HMGXB4: variants seen among roughly 807,000 people sequenced by gnomAD.
The protein encoded by HMGXB4 is HMG domain-containing protein 4.
In HMGXB4, 27 loss-of-function variants were observed where a neutral mutation model predicts 63.9. The observed-to-expected ratio is 0.42, with a 90% confidence interval of 0.31 to 0.58. The LOEUF is 0.58. HMGXB4 is among the 20% of genes least tolerant of loss of function. The pLI is 0.13. For synonymous variants in HMGXB4, 264 were observed against 265.3 expected (o/e 0.99, Z 0.05); for missense variants, 624 against 700.7 (o/e 0.89, Z 1.24).
At chr22:35,247,154 T>C in the HMGXB4 span, among the ~76,000 whole-genome samples, 37 of 152,330 alleles carry the variant, frequency 2.4e-4, no homozygotes, top group South Asian at 7.7e-3. Flanking sequence ...CACTGGATAT[T>C]TGTATTCCTA....
chr22:35,243,425 C>T, the HMGXB4 span, among the ~76,000 whole-genome samples: 1 of 152,176 alleles, frequency 6.6e-6, no homozygotes, highest in African/African-American at 2.4e-5. Context: ...CACAGACACA[C>T]CCAGAAATAA....
intron 5 of HMGXB4, among the ~76,000 whole-genome samples, chr22:35,277,411 C>G (rs1378549975): frequency 6.6e-6 from 1 of 152,182 alleles, no homozygotes; most frequent in Non-Finnish European, 1.5e-5. Context: ...GGCAATGGCA[C>G]CATCTTAGCT....
the HMGXB4 span, among the ~76,000 whole-genome samples, chr22:35,243,563 G>T: frequency 6.6e-6 from 1 of 151,428 alleles, no homozygotes; most frequent in African/African-American, 2.4e-5. Context: ...TTGAGACAGG[G>T]TCTCACTCTG....
the HMGXB4 span, among the ~76,000 whole-genome samples, chr22:35,248,401 CTTTT>C: frequency 2.9e-5 from 3 of 102,964 alleles, no homozygotes; most frequent in African/African-American, 7.3e-5. Flanking sequence ...GAGGTCGGGA[CTTTT>C]TTTTTTTTTT....
At chr22:35,254,050 C>T (rs1055576711), upstream of HMGXB4, among the ~76,000 whole-genome samples, 6 of 152,110 alleles carry the variant, frequency 3.9e-5, no homozygotes, top group Admixed American at 1.3e-4. Context: ...AAGACAAAGA[C>T]GCTGCTCAAA....
Position 35,265,082 on chromosome 22 carries a change from C to G in HMGXB4, c.694C>G (p.Gln232Glu), listed in dbSNP as rs370541896. ...CTCAAAGAAATCAGCTCGGGATGAG[C>G]AGGGTGCTTTACTCCTAGGACATGA... ...KSSKKSARDE[Q>E]GALLLGHELQ... Residue 232 changes from glutamine to glutamate, a missense_variant, in exon 5 of 11, where the codon CAG becomes GAG. By Grantham distance (29) the Gln-to-Glu change is conservative. Transcript: ENST00000216106. 32 of 1,614,156 alleles carry G rather than the reference C, an allele frequency of 2.0e-5. No homozygotes were observed. In the African/African-American group the frequency reaches 3.5e-4, roughly 17 times the overall value.
chr22:35,287,157 C>T (rs1569005694), intron 7 of HMGXB4, 190 bp from the exon 8 acceptor site: 3 of 555,676 alleles, frequency 5.4e-6, no homozygotes, highest in Non-Finnish European at 6.6e-6. Context: ...TAGTCCTTTA[C>T]TAAGATATTA....
At chr22:35,289,093 T>C (rs1390062209) in intron 9 of HMGXB4, among the ~76,000 whole-genome samples, 7 of 150,722 alleles carry the variant, frequency 4.6e-5, no homozygotes, top group African/African-American at 9.8e-5. Context: ...TGAGTCAAGA[T>C]TGCGCTACTG....
At chr22:35,293,147 C>A in intron 10 of HMGXB4, 33 bp downstream of exon 10, 1 of 1,613,658 alleles carries the variant, frequency 6.2e-7, no homozygotes, top group Non-Finnish European at 8.5e-7. Flanking sequence ...GAGTCAGATC[C>A]ATTGGGCGTC....
chr22:35,258,955 C>T (rs1332773595), intron 1 of HMGXB4, among the ~76,000 whole-genome samples: 1 of 152,134 alleles, frequency 6.6e-6, no homozygotes, highest in African/African-American at 2.4e-5. Context: ...TTGTTGATTG[C>T]AGGAGCTCAA....
rs548672883 is a variant in HMGXB4, at chr22:35,295,599, T to C, written c.*1948T>C. On this transcript the variant is annotated 3_prime_UTR_variant, in exon 11 of 11. Transcript: ENST00000216106. Reference sequence around the variant, plus strand: ...CTATTGTATTTGTATTTAAAATTTGTACACATTTGTATAATAATCTGTACC... The same window carrying C: ...CTATTGTATTTGTATTTAAAATTTGCACACATTTGTATAATAATCTGTACC... 6.5e-6 allele frequency: 1 copy of C among 152,794 alleles called. No individual in the cohort carries two copies. The highest frequency in any genetic ancestry group is 2.1e-4 in the South Asian group (1 of 4,834). 9.5% of individuals were successfully genotyped at this position (152,794 alleles called of 1,614,324 possible). A position where few individuals can be genotyped will look rare whatever the true frequency, so the allele number is the denominator to read the frequency against.
upstream of HMGXB4, among the ~76,000 whole-genome samples, chr22:35,256,653 C>T (rs113206841): frequency 1.3e-5 from 2 of 152,262 alleles, no homozygotes; most frequent in African/African-American, 4.8e-5. Flanking sequence ...GCACGCGCCA[C>T]CACGCCTGGC....
At position 35,279,699 on chromosome 22, in the gene HMGXB4, T is replaced by TTTTTTG. The variant is rs144948164; in HGVS notation, c.1216-4263_1216-4262insTTTTTG. 1.4e-4 allele frequency among the ~76,000 whole-genome samples: 15 copies of TTTTTTG among 108,244 alleles called. 3 individuals are homozygous for TTTTTTG. The highest frequency in any genetic ancestry group is 2.0e-4 in the Non-Finnish European group (10 of 50,376). The allele number at this position is 108,244 out of a possible 152,430, so 71.0% of individuals were successfully genotyped here. A position where few individuals can be genotyped will look rare whatever the true frequency, so the allele number is the denominator to read the frequency against. ...TTCCTTTTTTTTTTTTTTTTTTTTT[T>TTTTTTG]GGCATGTGGATATCCAATTGTCCCA... is the stretch of plus-strand genomic sequence containing the variant. On this transcript the variant is annotated intron_variant, in intron 5 of 10. Transcript: ENST00000216106.
chr22:35,280,750 T>C (rs1569003160), intron 5 of HMGXB4, among the ~76,000 whole-genome samples: 4 of 152,210 alleles, frequency 2.6e-5, no homozygotes, highest in Non-Finnish European at 5.9e-5. Context: ...CATCATCTCT[T>C]ACCTCTCTCT....
At chr22:35,261,025 A>G (rs1922810809) in intron 1 of HMGXB4, among the ~76,000 whole-genome samples, 1 of 152,222 alleles carries the variant, frequency 6.6e-6, no homozygotes, top group Non-Finnish European at 1.5e-5. Context: ...TAAATGATCA[A>G]TTAGATTAAC....
chr22:35,293,685 A>G lies in HMGXB4; in HGVS notation c.*34A>G, dbSNP rs1006837828. ...AATCCTGGGACAGAAACCTTATCCTACACCATTGCTGGTTTGTGTATATAT... is the reference window on the plus strand; with the variant it reads ...AATCCTGGGACAGAAACCTTATCCTGCACCATTGCTGGTTTGTGTATATAT... On this transcript the variant is annotated 3_prime_UTR_variant, in exon 11 of 11. Transcript: ENST00000216106. The G allele has an allele frequency of 4.5e-6, 7 of 1,542,898 alleles. No individual in the cohort carries two copies. The highest frequency in any genetic ancestry group is 6.3e-6 in the Non-Finnish European group (7 of 1,115,104).
At position 35,291,241 on chromosome 22, in the gene HMGXB4, G is replaced by A. The variant is rs573724707; in HGVS notation, c.1639-1751G>A. 1.2e-3 allele frequency among the ~76,000 whole-genome samples: 186 copies of A among 152,284 alleles called. 1 individual carries two copies. Among genetic ancestry groups the A allele is most frequent in the African/African-American group, 4.4e-3 (181 of 41,550 alleles). On this transcript the variant is annotated intron_variant, in intron 9 of 10. Coordinates refer to ENST00000216106, the MANE Select transcript of HMGXB4 (RefSeq NM_001003681.3). ...CACACCACTGCACTCCATCCAGCCT[G>A]GGCAACAGAGTGAGACCCTGTCTCA...
intron 5 of HMGXB4, among the ~76,000 whole-genome samples, chr22:35,276,577 G>T (rs1420978997): frequency 2.0e-5 from 3 of 152,120 alleles, no homozygotes; most frequent in African/African-American, 7.2e-5. Flanking sequence ...CCCTTTACAT[G>T]AACTCATGGG....
At chr22:35,285,544 C>CA (rs962444035) in intron 6 of HMGXB4, among the ~76,000 whole-genome samples, 4 of 151,202 alleles carry the variant, frequency 2.6e-5, no homozygotes, top group East Asian at 1.9e-4. Context: ...GACTCCGTCT[C>CA]AAAAAAAAGA....
Sources: allele counts gnomAD v4.1 joint callset (sites outside exome capture counted in the v4.1 genomes callset), GRCh38; gene constraint gnomAD v4.1.1; transcripts MANE v1.5; gene names NCBI Gene and HGNC (gene_info 2026-07-23, HGNC 2026-07-21).